The following NEK1 variants were observed in gnomAD, a reference collection of about 807,000 sequenced individuals.
The protein encoded by NEK1 is NIMA related kinase 1, also known as serine/threonine-protein kinase Nek1.
A neutral mutation model predicts 182.1 loss-of-function variants in NEK1; 137 were observed. The ratio of observed to expected loss-of-function variants is 0.75; its 90% CI spans 0.65 to 0.87. The LOEUF (loss-of-function observed/expected upper bound fraction) is 0.87. NEK1 is among the 40% of genes least tolerant of loss of function. The pLI is 0.00. For synonymous variants in NEK1, 513 were observed against 492.2 expected, an observed-to-expected ratio of 1.04 and a Z score of -0.56; for missense variants, 1,391 against 1,494.4, an observed-to-expected ratio of 0.93 and a Z score of 1.14.
intron 29 of NEK1, among the ~76,000 whole-genome samples, chr4:169,427,606 T>C (rs1736627065): frequency 6.6e-6 from 1 of 152,024 alleles, no homozygotes. Context: ...GCAATTCTTA[T>C]GACTTAGCCT....
chr4:169,434,266 T>C (rs2149412993), intron 28 of NEK1, among the ~76,000 whole-genome samples: 1 of 144,776 alleles, frequency 6.9e-6, no homozygotes, highest in Non-Finnish European at 1.5e-5. Context: ...TGGAGTGCAG[T>C]GGTGTGCTCT....
chr4:169,556,036 C>T lies in NEK1; in HGVS notation c.1326G>A (p.Gln442=), dbSNP rs750886840. 6.8e-6 allele frequency: 11 copies of T among 1,613,648 alleles called. No homozygotes were observed. In the East Asian group the frequency reaches 2.2e-4, roughly 33 times the overall value. ...IAPSSFSSRG[Q]YEHYHAIFDQ... is the part of the protein sequence containing the mutation. ...CAAAAATGGCATGGTAATGTTCATA[C>T]TGTCCTCGAGAAGAAAAAGATGATG... The change falls in exon 17 of 36, where the codon CAG becomes CAA. Residue 442 remains glutamine, a synonymous_variant. Coordinates refer to ENST00000507142, the MANE Select transcript of NEK1 (RefSeq NM_001199397.3).
At chr4:169,574,317 G>C (rs575861435) in intron 12 of NEK1, among the ~76,000 whole-genome samples, 1 of 151,930 alleles carries the variant, frequency 6.6e-6, no homozygotes, top group Non-Finnish European at 1.5e-5. Flanking sequence ...AAGGGTTGGC[G>C]GGGCGTGGTG....
intron 23 of NEK1, among the ~76,000 whole-genome samples, chr4:169,492,149 T>C (rs1409358461): frequency 6.6e-6 from 1 of 152,198 alleles, no homozygotes; most frequent in African/African-American, 2.4e-5. Flanking sequence ...TACCTATCAA[T>C]AACAATCTTC....
chr4:169,587,505 A>T (rs1580986894), intron 9 of NEK1, 54 bp downstream of exon 9: 1 of 979,792 alleles, frequency 1.0e-6, no homozygotes, highest in East Asian at 2.9e-5. Flanking sequence ...TAATAAAAAC[A>T]TTATAGTCGC....
At chr4:169,608,126 C>T (rs1200028161) in intron 2 of NEK1, among the ~76,000 whole-genome samples, 3 of 151,484 alleles carry the variant, frequency 2.0e-5, no homozygotes, top group Non-Finnish European at 4.4e-5. Flanking sequence ...TACACACACA[C>T]ACACACACAC....
rs143647000 is a variant in NEK1 at position 169,452,485 on chromosome 4, C to A, written c.2587+10758G>T. ...CCACCATGATCAAGTTGGCTTCATC[C>A]CTGGGATGCAAGTCTGGTTCAACGT... On this transcript the variant is annotated intron_variant, in intron 27 of 35. Coordinates refer to ENST00000507142, the MANE Select transcript of NEK1 (RefSeq NM_001199397.3). 8.1e-3 allele frequency among the ~76,000 whole-genome samples: 1,238 copies of A among 152,270 alleles called. 12 individuals carry two copies. The highest frequency in any genetic ancestry group is 0.028 in the African/African-American group (1,171 of 41,546).
intron 27 of NEK1, among the ~76,000 whole-genome samples, chr4:169,461,211 A>G (rs1232944731): frequency 6.6e-6 from 1 of 152,114 alleles, no homozygotes. Flanking sequence ...CATACACATG[A>G]GCTAAACCTT....
chr4:169,431,929 CCA>C (rs145051207), intron 29 of NEK1, among the ~76,000 whole-genome samples: 25 of 148,340 alleles, frequency 1.7e-4, no homozygotes, highest in East Asian at 3.9e-4. Context: ...CATGGCAAAA[CCA>C]CACACACACA....
At chr4:169,579,787 CAAA>C (rs759017295) in intron 11 of NEK1, among the ~76,000 whole-genome samples, 9 of 114,752 alleles carry the variant, frequency 7.8e-5, no homozygotes, top group Non-Finnish European at 1.1e-4. Context: ...GACTCCATCT[CAAA>C]AAAAAAAAAA....
chr4:169,437,479 G>A (rs986906123), intron 28 of NEK1, among the ~76,000 whole-genome samples: 3 of 152,120 alleles, frequency 2.0e-5, no homozygotes, highest in Admixed American at 1.3e-4. Flanking sequence ...TTGAGAGGTG[G>A]GTTCTGTTTG....
chr4:169,508,427 A>C, intron 20 of NEK1, 96 bp from the exon 21 acceptor site: 1 of 937,972 alleles, frequency 1.1e-6, no homozygotes, highest in Non-Finnish European at 1.5e-6. Context: ...AACAGTGTTA[A>C]TTTGAACACA....
At chr4:169,571,868 A>G (rs962268822) in intron 12 of NEK1, among the ~76,000 whole-genome samples, 2 of 150,464 alleles carry the variant, frequency 1.3e-5, no homozygotes, top group Non-Finnish European at 2.9e-5. Flanking sequence ...AGCTGGGATT[A>G]TAGGCACACA....
intron 16 of NEK1, among the ~76,000 whole-genome samples, chr4:169,558,874 T>G (rs1762515445): frequency 6.6e-6 from 1 of 152,144 alleles, no homozygotes; most frequent in Non-Finnish European, 1.5e-5. Context: ...TTGAAATACT[T>G]TAGTTTTAGT....
rs781633610 is a variant in NEK1, at chr4:169,537,888, T to C, written c.1586A>G (p.Glu529Gly). 1 of 1,604,304 alleles carries C rather than the reference T, an allele frequency of 6.2e-7. No homozygotes were observed. Among genetic ancestry groups the C allele is most frequent in the East Asian group, 2.2e-5 (1 of 44,526 alleles). Reference sequence around the variant, plus strand: ...GAACTCTTCTACTTGTTTAGCTCTTTCTACAGCTAGCTGCCCTTTTTGCCT... The same window carrying C: ...GAACTCTTCTACTTGTTTAGCTCTTCCTACAGCTAGCTGCCCTTTTTGCCT... ...ANRQKGQLAVERAKQVEEFLQ... is the reference protein window; with the variant it reads ...ANRQKGQLAVGRAKQVEEFLQ... The change falls in exon 19 of 36, where the codon GAA becomes GGA. Residue 529 changes from glutamate to glycine, a missense_variant. Physicochemically the swap from Glu to Gly is moderately conservative, Grantham distance 98. Transcript: ENST00000507142.
chr4:169,447,725 C>T (rs1033355081), intron 27 of NEK1, among the ~76,000 whole-genome samples: 1 of 151,920 alleles, frequency 6.6e-6, no homozygotes, highest in Non-Finnish European at 1.5e-5. Context: ...AAAAATTAGC[C>T]AGGTGTGGTG....
intron 32 of NEK1, among the ~76,000 whole-genome samples, chr4:169,404,755 GTTCT>G (rs1311472282): frequency 6.7e-6 from 1 of 148,678 alleles, no homozygotes; most frequent in African/African-American, 2.5e-5. Flanking sequence ...GTAAAGGAAG[GTTCT>G]TTTTGTTTTT....
rs1275204883 is a variant in NEK1, at chr4:169,400,207, CAT to C, written c.3847+16_3847+17del. 13 of 1,568,200 alleles carry C rather than the reference CAT, an allele frequency of 8.3e-6. No homozygotes were observed. The Middle Eastern group carries it at 6.7e-4, about 81-fold the overall frequency. Reference sequence around the variant, plus strand: ...TCACATTTACTGAAAATTATACAGACATGTGAGGAAATCTTACCTTCTTGGTA... The same window carrying C: ...TCACATTTACTGAAAATTATACAGACGTGAGGAAATCTTACCTTCTTGGTA... On this transcript the variant is annotated intron_variant, in intron 35 of 35. Transcript: ENST00000507142.
chr4:169,595,056 A>G (rs780131719), intron 5 of NEK1, among the ~76,000 whole-genome samples: 11 of 152,138 alleles, frequency 7.2e-5, no homozygotes, highest in Non-Finnish European at 1.6e-4. Context: ...GGACTACACT[A>G]GGAATGCCAA....
Sources: allele counts gnomAD v4.1 joint callset (sites outside exome capture counted in the v4.1 genomes callset), GRCh38; gene constraint gnomAD v4.1.1; transcripts MANE v1.5; gene names NCBI Gene and HGNC (gene_info 2026-07-23, HGNC 2026-07-21).